The following SLC30A5 variants were observed in gnomAD, a reference collection of about 807,000 sequenced individuals.
SLC30A5 encodes the protein proton-coupled zinc antiporter SLC30A5.
SLC30A5 carries 33 observed loss-of-function variants against 79.6 expected under a neutral mutation model. That is an observed-to-expected ratio of 0.41 (90% CI 0.31 to 0.55). The LOEUF (loss-of-function observed/expected upper bound fraction) is 0.55, where lower values mean the gene tolerates loss of function less well. Among genes scored for constraint, SLC30A5 ranks in the 20% least tolerant of loss-of-function variants. The probability of loss-of-function intolerance (pLI) is 0.20; values close to 1 mark genes in which losing one functional copy is unlikely to be tolerated. For synonymous variants in SLC30A5, 299 were observed against 319.7 expected (o/e 0.94, Z 0.69); for missense variants, 788 against 928.1 (o/e 0.85, Z 1.96).
At chr5:69,101,026 G>T in intron 2 of SLC30A5, 97 bp downstream of exon 2, 1 of 1,214,836 alleles carries the variant, frequency 8.2e-7, no homozygotes, top group East Asian at 2.4e-5. Flanking sequence ...ACAATATTTT[G>T]TTTGTTCCTC....
intron 15 of SLC30A5, among the ~76,000 whole-genome samples, chr5:69,128,552 T>C (rs1013218167): frequency 7.2e-5 from 11 of 152,162 alleles, no homozygotes; most frequent in African/African-American, 2.7e-4. Context: ...CAAGCCATCA[T>C]GCCCGGCCTA....
In SLC30A5 at chr5:69,094,275, G is replaced by A; in HGVS notation, c.20G>A (p.Gly7Glu). The A allele has an allele frequency of 4.8e-6, 6 of 1,261,692 alleles. No individual in the cohort carries two copies. The highest frequency in any genetic ancestry group is 6.0e-6 in the Non-Finnish European group (6 of 996,738). 78.2% of individuals were successfully genotyped at this position (1,261,692 alleles called of 1,614,324 possible). A position where few individuals can be genotyped will look rare whatever the true frequency, so the allele number is the denominator to read the frequency against. Residue 7 changes from glycine to glutamate, a missense_variant, in exon 1 of 16, where the codon GGG becomes GAG. Gly to Glu is a moderately conservative substitution (Grantham distance 98). Transcript: ENST00000396591. MEEKYG[G>E]DVLAGPGGGG... ...CCCGGGATGGAGGAGAAATACGGCGGGGACGTGCTGGCCGGCCCCGGCGGC... is the reference window on the plus strand; with the variant it reads ...CCCGGGATGGAGGAGAAATACGGCGAGGACGTGCTGGCCGGCCCCGGCGGC...
intron 5 of SLC30A5, among the ~76,000 whole-genome samples, chr5:69,111,679 T>A (rs907650900): frequency 6.6e-6 from 1 of 152,236 alleles, no homozygotes; most frequent in Admixed American, 6.5e-5. Flanking sequence ...GATTAAGTTA[T>A]GTTCTCTGTA....
chr5:69,100,088 C>G (rs1247067241), intron 1 of SLC30A5, among the ~76,000 whole-genome samples: 6 of 152,086 alleles, frequency 3.9e-5, no homozygotes, highest in African/African-American at 1.4e-4. Context: ...CTTGCCTCAG[C>G]CTCCCAGGTG....
chr5:69,118,285 TTC>T (rs1746432683), intron 11 of SLC30A5: 1 of 102,196 alleles, frequency 9.8e-6, no homozygotes, highest in Non-Finnish European at 2.1e-5. Context: ...CGTATATATA[TTC>T]ATATATAACG....
At chr5:69,103,234 C>A (rs2111944785) in intron 3 of SLC30A5, 106 bp downstream of exon 3, 1 of 604,390 alleles carries the variant, frequency 1.7e-6, no homozygotes. Flanking sequence ...TTTAAGTATG[C>A]CACAGAACAA....
intron 2 of SLC30A5, 78 bp from the exon 3 acceptor site, chr5:69,102,984 A>G (rs1745975718): frequency 1.5e-6 from 1 of 666,178 alleles, no homozygotes; most frequent in African/African-American, 1.9e-5. Context: ...TTTGTTTAAA[A>G]TAAGTGTCTT....
At chr5:69,126,891 A>G (rs1746712090) in intron 14 of SLC30A5, among the ~76,000 whole-genome samples, 1 of 151,662 alleles carries the variant, frequency 6.6e-6, no homozygotes, top group Admixed American at 6.6e-5. Flanking sequence ...AAAAAATCAC[A>G]TAATTTTACC....
intron 1 of SLC30A5, among the ~76,000 whole-genome samples, chr5:69,095,277 G>A (rs192760761): frequency 1.5e-5 from 2 of 136,506 alleles, no homozygotes; most frequent in African/African-American, 5.6e-5. Context: ...CTCGGCTCAC[G>A]ACAACCTCCG....
intron 5 of SLC30A5, among the ~76,000 whole-genome samples, chr5:69,109,954 C>A (rs536469043): frequency 2.0e-5 from 3 of 152,158 alleles, no homozygotes; most frequent in Admixed American, 1.3e-4. Flanking sequence ...CAAGCTGGCA[C>A]TGCGGGCATT....
intron 14 of SLC30A5, chr5:69,123,630 A>T: frequency 2.0e-6 from 1 of 504,816 alleles, no homozygotes. Context: ...TACTTAAAGG[A>T]TATAAAACAG....
At chr5:69,106,699 G>C (rs1434014077) in intron 4 of SLC30A5, among the ~76,000 whole-genome samples, 1 of 152,108 alleles carries the variant, frequency 6.6e-6, no homozygotes, top group Admixed American at 6.6e-5. Context: ...TACCTAGAAG[G>C]CTGAGGTGGA....
At chr5:69,100,721 T>C in intron 1 of SLC30A5, 86 bp from the exon 2 acceptor site, 1 of 1,168,030 alleles carries the variant, frequency 8.6e-7, no homozygotes, top group African/African-American at 1.5e-5. Flanking sequence ...GTGGTTTCTG[T>C]AATGACCTCT....
intron 14 of SLC30A5, among the ~76,000 whole-genome samples, chr5:69,127,473 C>CAAAAAAA (rs70989993): frequency 6.4e-5 from 5 of 77,886 alleles, no homozygotes; most frequent in African/African-American, 1.5e-4. Flanking sequence ...TACTAAAATA[C>CAAAAAAA]AAAAAAAAAA....
Position 69,113,227 on chromosome 5 carries a change from C to A in SLC30A5, c.535C>A (p.Pro179Thr). The stretch of plus-strand genomic sequence containing the variant: ...TCTCATGGCTAAAATGGCTGAACAC[C>A]GTATCCTTTTGGAATAGATCAGAGT... The part of the protein sequence containing the change: ...DDLMAKMAEH[P>T]EGHHDSALTH... Residue 179 changes from proline to threonine, a missense_variant and splice_region_variant, in exon 6 of 16, where the codon CCT becomes ACT. Around this residue, in one of 3 missense-constraint regions of SLC30A5, gnomAD observed 626 missense variants for 755.5 expected, o/e 0.83. Coordinates refer to ENST00000396591, the MANE Select transcript of SLC30A5 (RefSeq NM_022902.5). 6.2e-7 allele frequency: 1 copy of A among 1,611,364 alleles called. No individual in the cohort carries two copies. The highest frequency in any genetic ancestry group is 8.5e-7 in the Non-Finnish European group (1 of 1,178,256).
chr5:69,095,236 T>C (rs1745689790), intron 1 of SLC30A5, among the ~76,000 whole-genome samples: 2 of 97,776 alleles, frequency 2.0e-5, no homozygotes, highest in Admixed American at 1.0e-4. Flanking sequence ...AGTTTCGCTC[T>C]TGTTCCCAGG....
chr5:69,100,693 G>T, intron 1 of SLC30A5, 114 bp from the exon 2 acceptor site: 1 of 773,890 alleles, frequency 1.3e-6, no homozygotes, highest in Non-Finnish European at 2.0e-6. Flanking sequence ...GTTTCATTTT[G>T]TGTTTATGTA....
intron 3 of SLC30A5, 144 bp from the exon 4 acceptor site, chr5:69,104,487 C>T: frequency 7.2e-7 from 1 of 1,391,306 alleles, no homozygotes. Flanking sequence ...GTCAAGGGAT[C>T]TTATGTTTTC....
chr5:69,096,841 T>G (rs1745744750), intron 1 of SLC30A5, among the ~76,000 whole-genome samples: 1 of 151,878 alleles, frequency 6.6e-6, no homozygotes, highest in South Asian at 2.1e-4. Context: ...GTGCCTATAG[T>G]TCCAGCTACT....
Sources: allele counts gnomAD v4.1 joint callset (sites outside exome capture counted in the v4.1 genomes callset), GRCh38; gene constraint gnomAD v4.1.1; regional missense constraint gnomAD v4.1.1; transcripts MANE v1.5; gene names NCBI Gene and HGNC (gene_info 2026-07-23, HGNC 2026-07-21).